The following PRH1 variants were observed in gnomAD, a reference collection of about 807,000 sequenced individuals.
PRH1 encodes the protein salivary acidic proline-rich phosphoprotein 1/2.
A neutral mutation model predicts 7.9 loss-of-function variants in PRH1; 7 were observed. The ratio of observed to expected loss-of-function variants is 0.89; its 90% CI spans 0.50 to 1.67. The LOEUF (loss-of-function observed/expected upper bound fraction) is 1.67. Ranked by LOEUF, PRH1 falls within the 40% of genes most tolerant of loss-of-function variation. PRH1 has a pLI of 0.00. For synonymous variants in PRH1, 45 were observed against 80.8 expected (o/e 0.56, Z 2.38); for missense variants, 109 against 223.6 (o/e 0.49, Z 3.27).
At chr12:10,997,630 AATT>A in intron 1 of PRH1, 1 of 1,613,790 alleles carries the variant, frequency 6.2e-7, no homozygotes, top group Non-Finnish European at 8.5e-7. Context: ...TAGAAATAAA[AATT>A]ATTACTTTTA....
chr12:10,937,081 A>G (rs914951406), intron 2 of PRH1, among the ~76,000 whole-genome samples: 3 of 152,114 alleles, frequency 2.0e-5, no homozygotes, highest in African/African-American at 7.2e-5. Context: ...TCTGGCATAC[A>G]GTTCTTTGAC....
At chr12:11,057,399 G>A (rs1254304109) in intron 1 of PRH1, among the ~76,000 whole-genome samples, 3 of 152,212 alleles carry the variant, frequency 2.0e-5, no homozygotes, top group East Asian at 3.8e-4. Context: ...CTTCCTGAAC[G>A]TGTAATTGAA....
At chr12:11,073,724 G>C (rs1367090014) in intron 1 of PRH1, among the ~76,000 whole-genome samples, 2 of 152,018 alleles carry the variant, frequency 1.3e-5, no homozygotes, top group Non-Finnish European at 2.9e-5. Context: ...GGCCCAACCT[G>C]CTCTGCCCAT....
Position 10,963,200 on chromosome 12 carries a change from TAC to T in PRH1, c.-59+10453_-59+10454del, listed in dbSNP as rs367868206. ...AAAATTTCATAACTCCGAGAATTGA[TAC>T]AGTCTGTAGAATTTACTTGTTTAAT... is the stretch of plus-strand genomic sequence containing the variant. On this transcript the variant is annotated intron_variant, in intron 2 of 3. Transcript: ENST00000539853. Among the ~76,000 whole-genome samples, 117 of 152,356 alleles carry T rather than the reference TAC, an allele frequency of 7.7e-4. 2 individuals carry two copies. In the East Asian group the frequency reaches 0.011, roughly 14 times the overall value.
At chr12:10,939,880 ATC>A (rs1477999378) in intron 2 of PRH1, among the ~76,000 whole-genome samples, 1 of 152,168 alleles carries the variant, frequency 6.6e-6, no homozygotes, top group Non-Finnish European at 1.5e-5. Context: ...GTTACCTGTT[ATC>A]TGTTATATTT....
chr12:11,020,896 G>A (rs1179509891), intron 1 of PRH1, among the ~76,000 whole-genome samples: 1 of 151,896 alleles, frequency 6.6e-6, no homozygotes, highest in Non-Finnish European at 1.5e-5. Context: ...CTTCACAAAA[G>A]GTTTCCTTTA....
chr12:11,126,472 G>C (rs567824755), intron 1 of PRH1, among the ~76,000 whole-genome samples: 2 of 152,334 alleles, frequency 1.3e-5, no homozygotes, highest in South Asian at 4.1e-4. Context: ...TTTGATTGCT[G>C]TATAGTATTC....
At chr12:11,150,702 G>A (rs534718653) in intron 1 of PRH1, among the ~76,000 whole-genome samples, 2 of 152,256 alleles carry the variant, frequency 1.3e-5, no homozygotes, top group East Asian at 1.9e-4. Context: ...GATAGCATTA[G>A]GAGATATACC....
chr12:10,933,413 G>A (rs1392998652), intron 2 of PRH1, among the ~76,000 whole-genome samples: 1 of 151,836 alleles, frequency 6.6e-6, no homozygotes, highest in Non-Finnish European at 1.5e-5. Context: ...GAAAAGAAGA[G>A]AAATACCCCA....
At chr12:10,972,935 C>CCCCCCCCCCCA (rs1555119327) in intron 2 of PRH1, among the ~76,000 whole-genome samples, 3 of 123,068 alleles carry the variant, frequency 2.4e-5, no homozygotes, top group African/African-American at 8.9e-5. Flanking sequence ...ACAACCCACC[C>CCCCCCCCCCCA]CCCCCGCCCG....
chr12:11,061,993 C>A (rs1217682786), intron 1 of PRH1: 1 of 1,613,824 alleles, frequency 6.2e-7, no homozygotes, highest in Admixed American at 1.7e-5. Context: ...TATGCTGAGG[C>A]TAGTAGCAAG....
intron 1 of PRH1, among the ~76,000 whole-genome samples, chr12:11,054,661 TTAA>T (rs1229782628): frequency 6.6e-6 from 1 of 152,264 alleles, no homozygotes; most frequent in Non-Finnish European, 1.5e-5. Flanking sequence ...TCCTGTGTAT[TTAA>T]TATCTATATT....
chr12:11,023,465 T>C (rs1941758800), intron 1 of PRH1, among the ~76,000 whole-genome samples: 1 of 152,204 alleles, frequency 6.6e-6, no homozygotes, highest in Admixed American at 6.5e-5. Context: ...AATTAAAATG[T>C]TCAGCAATTT....
chr12:11,022,766 G>T, intron 1 of PRH1: 1 of 560,698 alleles, frequency 1.8e-6, no homozygotes, highest in Non-Finnish European at 3.1e-6. Flanking sequence ...TATAGAAATA[G>T]AAAAGGTCAT....
intron 2 of PRH1, among the ~76,000 whole-genome samples, chr12:10,966,112 T>G (rs957570312): frequency 1.3e-5 from 2 of 152,162 alleles, no homozygotes; most frequent in African/African-American, 4.8e-5. Context: ...CCTGGTGAAA[T>G]TAGTCCTATT....
intron 1 of PRH1, among the ~76,000 whole-genome samples, chr12:11,005,419 T>C (rs1296448892): frequency 6.6e-6 from 1 of 152,176 alleles, no homozygotes; most frequent in Non-Finnish European, 1.5e-5. Context: ...ATTGGATATC[T>C]AAATTGTTAA....
upstream of PRH1, among the ~76,000 whole-genome samples, chr12:10,884,752 T>C (rs759879688): frequency 3.9e-5 from 6 of 152,190 alleles, no homozygotes; most frequent in Non-Finnish European, 8.8e-5. Flanking sequence ...AAATTTTTCA[T>C]GTAACAGAGA....
intron 2 of PRH1, among the ~76,000 whole-genome samples, chr12:10,921,748 C>T (rs1290309905): frequency 6.6e-6 from 1 of 151,990 alleles, no homozygotes; most frequent in East Asian, 1.9e-4. Context: ...TTTACTTAAC[C>T]TTGCTATCCC....
At chr12:11,129,193 G>GC (rs1946245190) in intron 1 of PRH1, among the ~76,000 whole-genome samples, 1 of 152,280 alleles carries the variant, frequency 6.6e-6, no homozygotes, top group Non-Finnish European at 1.5e-5. Context: ...AGGACTACAG[G>GC]CATGAGCCAT....
Sources: gnomAD v4.1 joint callset for allele counts (sites outside exome capture counted in the v4.1 genomes callset) on GRCh38, gnomAD v4.1.1 for gene constraint, MANE v1.5 for transcripts, NCBI Gene and HGNC (gene_info 2026-07-23, HGNC 2026-07-21) for gene names.